The following RIMS2 variants were observed in gnomAD, a reference collection of about 807,000 sequenced individuals.
RIMS2 encodes the protein regulating synaptic membrane exocytosis protein 2.
Under a neutral mutation model 174.4 loss-of-function variants are expected in RIMS2, and 59 were observed. The ratio of observed to expected loss-of-function variants is 0.34; its 90% CI spans 0.27 to 0.42. The LOEUF (loss-of-function observed/expected upper bound fraction) is 0.42. Ranked by LOEUF, RIMS2 falls within the 10% of genes least tolerant of loss-of-function variation. RIMS2 has a pLI of 1.00. For synonymous variants in RIMS2, 606 were observed against 572.5 expected (o/e 1.06, Z -0.84); for missense variants, 1,620 against 1,666.3 (o/e 0.97, Z 0.48).
At chr8:103,996,168 GTA>G (rs2095082019) in intron 17 of RIMS2, among the ~76,000 whole-genome samples, 1 of 151,802 alleles carries the variant, frequency 6.6e-6, no homozygotes, top group Non-Finnish European at 1.5e-5. Flanking sequence ...GCTATGACAG[GTA>G]AAAATGAGGC....
intron 3 of RIMS2, among the ~76,000 whole-genome samples, chr8:103,820,441 C>T (rs983458857): frequency 1.3e-5 from 2 of 151,836 alleles, no homozygotes; most frequent in African/African-American, 2.4e-5. Context: ...CATGGCAATG[C>T]ACTGAAACCT....
At chr8:103,892,227 A>G (rs1283714649) in intron 4 of RIMS2, among the ~76,000 whole-genome samples, 1 of 151,536 alleles carries the variant, frequency 6.6e-6, no homozygotes, top group Non-Finnish European at 1.5e-5. Context: ...AATTTGAGAC[A>G]GGGTCTCACT....
At chr8:103,551,575 G>A (rs199896718) in intron 1 of RIMS2, among the ~76,000 whole-genome samples, 1 of 151,970 alleles carries the variant, frequency 6.6e-6, no homozygotes, top group Admixed American at 6.6e-5. Flanking sequence ...CTCCTATTCA[G>A]CATAGTGTTG....
chr8:103,966,673 C>T (rs956659424), intron 15 of RIMS2, among the ~76,000 whole-genome samples: 2 of 151,882 alleles, frequency 1.3e-5, no homozygotes, highest in East Asian at 3.8e-4. Flanking sequence ...TTAATTTGCT[C>T]TTCTTTTTCT....
intron 19 of RIMS2, among the ~76,000 whole-genome samples, chr8:104,207,977 C>A (rs955004000): frequency 6.6e-6 from 1 of 151,780 alleles, no homozygotes; most frequent in Non-Finnish European, 1.5e-5. Context: ...CTATGGTGCC[C>A]CAGCTGGTCT....
intron 12 of RIMS2, 87 bp from the exon 15 acceptor site, chr8:103,936,462 CTT>C: frequency 1.3e-6 from 1 of 742,496 alleles, no homozygotes; most frequent in East Asian, 2.9e-5. Flanking sequence ...CTTCACCTGA[CTT>C]GTCTCCTGAG....
At chr8:103,676,746 G>A (rs1174516901) in intron 1 of RIMS2, among the ~76,000 whole-genome samples, 1 of 152,106 alleles carries the variant, frequency 6.6e-6, no homozygotes, top group African/African-American at 2.4e-5. Flanking sequence ...ACTTTGGGAG[G>A]CCAAGGAGGG....
intron 1 of RIMS2, among the ~76,000 whole-genome samples, chr8:103,652,956 C>T (rs1014337707): frequency 1.3e-5 from 2 of 152,088 alleles, no homozygotes; most frequent in Non-Finnish European, 2.9e-5. Context: ...GTAAGCCATA[C>T]TTATTCAGTA....
chr8:103,540,313 C>A (rs1841944049), intron 1 of RIMS2, among the ~76,000 whole-genome samples: 1 of 152,208 alleles, frequency 6.6e-6, no homozygotes, highest in African/African-American at 2.4e-5. Context: ...TGGACCTTAG[C>A]AGTCATCACC....
chr8:103,857,615 C>T (rs28619375), intron 3 of RIMS2, among the ~76,000 whole-genome samples: 7,683 of 150,958 alleles, frequency 0.051, 270 homozygotes, highest in Non-Finnish European at 0.075. Context: ...TCATTAATTC[C>T]CCATGAGATA....
At chr8:104,226,992 C>T (rs757952158) in intron 19 of RIMS2, among the ~76,000 whole-genome samples, 1 of 152,112 alleles carries the variant, frequency 6.6e-6, no homozygotes, top group African/African-American at 2.4e-5. Context: ...TTTCTATGTG[C>T]CACATTCCTT....
intron 19 of RIMS2, among the ~76,000 whole-genome samples, chr8:104,056,952 C>G (rs1426141840): frequency 6.6e-6 from 1 of 152,074 alleles, no homozygotes; most frequent in Non-Finnish European, 1.5e-5. Context: ...CAAATCTGAG[C>G]AGTTTCAAGG....
chr8:103,595,612 T>A (rs2094452181), intron 1 of RIMS2, among the ~76,000 whole-genome samples: 1 of 151,898 alleles, frequency 6.6e-6, no homozygotes, highest in African/African-American at 2.4e-5. Context: ...TCATTTGGAT[T>A]TGTGCTTAGA....
At chr8:103,543,960 A>G (rs1843712115) in intron 1 of RIMS2, among the ~76,000 whole-genome samples, 1 of 152,258 alleles carries the variant, frequency 6.6e-6, no homozygotes, top group Non-Finnish European at 1.5e-5. Flanking sequence ...CCCAACAGCA[A>G]AAGTAGACAA....
At chr8:103,768,158 T>A in intron 3 of RIMS2, 1 of 342,842 alleles carries the variant, frequency 2.9e-6, no homozygotes. Flanking sequence ...ATGGTCAAGG[T>A]ATATGAAAAA....
At chr8:104,047,797 C>T (rs1278748404) in intron 19 of RIMS2, among the ~76,000 whole-genome samples, 1 of 151,996 alleles carries the variant, frequency 6.6e-6, no homozygotes, top group African/African-American at 2.4e-5. Flanking sequence ...ACAAGCAAAT[C>T]TATGCATCAA....
At chr8:103,675,999 A>C (rs1426294) in intron 1 of RIMS2, among the ~76,000 whole-genome samples, 17,669 of 152,226 alleles carry the variant, frequency 0.12, 1,370 homozygotes, top group Non-Finnish European at 0.17. Flanking sequence ...TATATCTGAA[A>C]AGCACAGAGC....
At chr8:103,823,245 C>T (rs1010578860) in intron 3 of RIMS2, among the ~76,000 whole-genome samples, 10 of 151,644 alleles carry the variant, frequency 6.6e-5, no homozygotes, top group Admixed American at 1.3e-4. Flanking sequence ...TCTTTCTCTC[C>T]GTATACGTAC....
chr8:103,555,262 A>C (rs902442219), intron 1 of RIMS2, among the ~76,000 whole-genome samples: 3 of 152,234 alleles, frequency 2.0e-5, no homozygotes, highest in African/African-American at 7.2e-5. Flanking sequence ...AGGTATATGA[A>C]AAAATGCTCA....
Sources: allele counts gnomAD v4.1 joint callset (sites outside exome capture counted in the v4.1 genomes callset), GRCh38; gene constraint gnomAD v4.1.1; transcripts MANE v1.5; gene names NCBI Gene and HGNC (gene_info 2026-07-23, HGNC 2026-07-21).